NKAIN3: variants seen among roughly 807,000 people sequenced by gnomAD.
The protein encoded by NKAIN3 is sodium/potassium transporting ATPase interacting 3, also known as sodium/potassium-transporting ATPase subunit beta-1-interacting protein 3.
A neutral mutation model predicts 30.2 loss-of-function variants in NKAIN3; 25 were observed. The ratio of observed to expected loss-of-function variants is 0.83; its 90% CI spans 0.60 to 1.16. NKAIN3 has a LOEUF of 1.16. Ranked by LOEUF, NKAIN3 falls within the 50% of genes most tolerant of loss-of-function variation. NKAIN3 has a pLI of 0.00. For missense variants in NKAIN3, 225 were observed against 254.1 expected (o/e 0.89, Z 0.78); for synonymous variants, 91 against 89.6 (o/e 1.02, Z -0.09).
chr8:62,892,514 G>A (rs1821323594), intron 4 of NKAIN3, among the ~76,000 whole-genome samples: 1 of 152,130 alleles, frequency 6.6e-6, no homozygotes, highest in Admixed American at 6.6e-5. Flanking sequence ...CTAGTGAAAT[G>A]CTGAAATCAC....
At chr8:62,669,668 TTTC>T (rs1263144142) in intron 3 of NKAIN3, among the ~76,000 whole-genome samples, 1 of 152,106 alleles carries the variant, frequency 6.6e-6, no homozygotes, top group Non-Finnish European at 1.5e-5. Context: ...TATCCACCTT[TTTC>T]TTCTGTTTGG....
At chr8:62,313,978 GAAATA>G (rs1481642435) in intron 1 of NKAIN3, among the ~76,000 whole-genome samples, 2 of 151,944 alleles carry the variant, frequency 1.3e-5, no homozygotes, top group African/African-American at 4.8e-5. Context: ...CAATTAAAGA[GAAATA>G]AAATAAAATG....
chr8:62,756,430 A>G (rs1392033259), intron 4 of NKAIN3, among the ~76,000 whole-genome samples: 13 of 152,136 alleles, frequency 8.5e-5, no homozygotes, highest in Admixed American at 7.9e-4. Flanking sequence ...ATAATATTCT[A>G]TCATACATTT....
chr8:62,851,150 TCTC>T (rs1237395356), intron 4 of NKAIN3, among the ~76,000 whole-genome samples: 1 of 152,094 alleles, frequency 6.6e-6, no homozygotes, highest in Non-Finnish European at 1.5e-5. Context: ...GGTTTGTAGT[TCTC>T]CTTGAAGAGG....
intron 4 of NKAIN3, among the ~76,000 whole-genome samples, chr8:62,763,145 C>T (rs1382221380): frequency 7.1e-6 from 1 of 141,034 alleles, no homozygotes; most frequent in African/African-American, 2.7e-5. Context: ...GGCGTGAACC[C>T]AGGAGGCGGA....
intron 1 of NKAIN3, among the ~76,000 whole-genome samples, chr8:62,462,851 C>CT (rs1806038641): frequency 6.6e-6 from 1 of 152,180 alleles, no homozygotes; most frequent in South Asian, 2.1e-4. Flanking sequence ...CAACCGGCCT[C>CT]TTTTCAGGGA....
At chr8:62,616,473 A>G (rs1811457562) in intron 3 of NKAIN3, among the ~76,000 whole-genome samples, 1 of 152,196 alleles carries the variant, frequency 6.6e-6, no homozygotes, top group African/African-American at 2.4e-5. Context: ...AACGGAAGAA[A>G]GCCCAGGACA....
intron 1 of NKAIN3, among the ~76,000 whole-genome samples, chr8:62,503,529 AT>A (rs1202097742): frequency 1.3e-5 from 2 of 152,108 alleles, no homozygotes; most frequent in African/African-American, 4.8e-5. Flanking sequence ...GGGTTTCCCA[AT>A]CCTGGTAAGC....
intron 3 of NKAIN3, among the ~76,000 whole-genome samples, chr8:62,735,763 T>C (rs1286005364): frequency 1.3e-5 from 2 of 152,192 alleles, no homozygotes; most frequent in Admixed American, 1.3e-4. Context: ...CTTGTTTGGG[T>C]ACACTATATT....
At chr8:62,404,677 C>T (rs1427790266) in intron 1 of NKAIN3, among the ~76,000 whole-genome samples, 1 of 152,120 alleles carries the variant, frequency 6.6e-6, no homozygotes, top group Non-Finnish European at 1.5e-5. Flanking sequence ...AAACTTCTTT[C>T]CTTTATATAT....
chr8:62,372,631 A>G (rs747604112), intron 1 of NKAIN3, among the ~76,000 whole-genome samples: 1 of 152,036 alleles, frequency 6.6e-6, no homozygotes, highest in Admixed American at 6.5e-5. Context: ...ATAATTTAAA[A>G]TTTATATACT....
intron 1 of NKAIN3, among the ~76,000 whole-genome samples, chr8:62,405,320 T>C (rs573080137): frequency 6.6e-6 from 1 of 152,306 alleles, no homozygotes; most frequent in South Asian, 2.1e-4. Flanking sequence ...CCCAGCACAG[T>C]ACCAAGACTT....
chr8:62,415,253 AAATAT>A (rs974603428), intron 1 of NKAIN3, among the ~76,000 whole-genome samples: 42 of 143,714 alleles, frequency 2.9e-4, no homozygotes, highest in Middle Eastern at 3.6e-3. Context: ...TATATATAAT[AAATAT>A]AATATACACT....
At chr8:62,911,544 T>C (rs1488520224) in intron 4 of NKAIN3, among the ~76,000 whole-genome samples, 1 of 152,146 alleles carries the variant, frequency 6.6e-6, no homozygotes, top group Non-Finnish European at 1.5e-5. Context: ...ATCCTTCTCC[T>C]TCCTTGCAGT....
chr8:62,883,888 T>C lies in NKAIN3; in HGVS notation c.472-34565T>C, dbSNP rs549245461. Among the ~76,000 whole-genome samples the C allele has an allele frequency of 3.1e-4, 47 of 152,316 alleles. 1 individual carries two copies. Among genetic ancestry groups the C allele is most frequent in the Non-Finnish European group, 1.5e-5 (1 of 68,028 alleles). Reference sequence around the variant, plus strand: ...CTTGTATTCAATTCCTAGTTTCTTCTCACTTCTAGTTTGCTGAAAGTTTGT... The same window carrying C: ...CTTGTATTCAATTCCTAGTTTCTTCCCACTTCTAGTTTGCTGAAAGTTTGT... On this transcript the variant is annotated intron_variant, in intron 4 of 6. Transcript: ENST00000623646.
chr8:62,752,122 A>C (rs879538466), intron 4 of NKAIN3, among the ~76,000 whole-genome samples: 1 of 152,186 alleles, frequency 6.6e-6, no homozygotes, highest in Non-Finnish European at 1.5e-5. Flanking sequence ...GAATCTATTG[A>C]GCAAAAACCA....
At chr8:62,525,859 A>C (rs1808290160) in intron 1 of NKAIN3, among the ~76,000 whole-genome samples, 1 of 152,156 alleles carries the variant, frequency 6.6e-6, no homozygotes, top group South Asian at 2.1e-4. Context: ...AAAGTTTCAA[A>C]AATTGGAGTT....
chr8:62,782,844 C>A (rs928103728), intron 4 of NKAIN3, among the ~76,000 whole-genome samples: 6 of 149,680 alleles, frequency 4.0e-5, no homozygotes, highest in Non-Finnish European at 8.9e-5. Context: ...GTACAAAATG[C>A]AGTTAGATAG....
At chr8:62,869,070 C>G (rs527851526) in intron 4 of NKAIN3, among the ~76,000 whole-genome samples, 36 of 152,176 alleles carry the variant, frequency 2.4e-4, no homozygotes, top group Non-Finnish European at 4.3e-4. Context: ...CCTTTGTTGG[C>G]ATGTCCTCTG....
Sources: allele counts gnomAD v4.1 joint callset (sites outside exome capture counted in the v4.1 genomes callset), GRCh38; gene constraint gnomAD v4.1.1; transcripts MANE v1.5; gene names NCBI Gene and HGNC (gene_info 2026-07-23, HGNC 2026-07-21).